The following DACT2 variants were observed in gnomAD, a reference collection of about 807,000 sequenced individuals.
DACT2 encodes dishevelled binding antagonist of beta catenin 2, also known as dapper homolog 2.
A neutral mutation model predicts 22.2 loss-of-function variants in DACT2; 20 were observed. The ratio of observed to expected loss-of-function variants is 0.90; its 90% CI spans 0.63 to 1.31. The LOEUF is 1.31. DACT2 is among the 50% of genes most tolerant of loss of function. DACT2 has a pLI of 0.00. For synonymous variants in DACT2, 463 were observed against 479.8 expected (o/e 0.96, Z 0.46); for missense variants, 1,048 against 1,061.4 (o/e 0.99, Z 0.18).
intron 1 of DACT2, 79 bp from the exon 2 acceptor site, chr6:168,311,363 C>T (rs1779393465): frequency 6.3e-6 from 9 of 1,426,796 alleles, no homozygotes; most frequent in Non-Finnish European, 7.4e-6. Context: ...TGAAAACATG[C>T]ATTGTGAATG....
At chr6:168,292,995 A>AG (rs1778940065) in exon 6 of DACT2, 2 of 152,160 alleles carry the variant, frequency 1.3e-5, no homozygotes, top group Admixed American at 6.5e-5. Context: ...CTAAAAAAAA[A>AG]TTTACAACCT....
At chr6:168,309,407 A>AGGGTCGTTTGCGTGTAGACACAGGGTGCG (rs1779331685) in intron 3 of DACT2, among the ~76,000 whole-genome samples, 1 of 66,702 alleles carries the variant, frequency 1.5e-5, no homozygotes, top group African/African-American at 6.0e-5. Context: ...GACACCGCAC[A>AGGGTCGTTTGCGTGTAGACACAGGGTGCG]GGGCCGTTTG....
In DACT2 at chr6:168,309,201, C is replaced by T. The variant is rs960818828; in HGVS notation, c.659-103G>A. On this transcript the variant is annotated intron_variant, in intron 3 of 3. Coordinates refer to ENST00000366795, the MANE Select transcript of DACT2 (RefSeq NM_214462.5). ...AGCTGGGATGGAAACGCTGCTCATT[C>T]ACTGCTTCGAGGAACTCCTGGGTCC... is the stretch of plus-strand genomic sequence containing the variant. The T allele has an allele frequency of 8.9e-5, 127 of 1,431,672 alleles. 1 individual carries two copies. The highest frequency in any genetic ancestry group is 1.1e-4 in the Non-Finnish European group (124 of 1,093,178). The allele number at this position is 1,431,672 out of a possible 1,614,324, so 88.7% of individuals were successfully genotyped here.
rs1366424397 is a variant in DACT2, at chr6:168,319,423, G to C, written c.211C>G (p.Leu71Val). 2 of 1,204,746 alleles carry C rather than the reference G, an allele frequency of 1.7e-6. No homozygotes were observed. The allele number at this position is 1,204,746 out of a possible 1,614,324, so 74.6% of individuals were successfully genotyped here. ...PHGLHGPEQQ[L>V]EAALAALQEQ... ...TGCAGCGCGGCCAGCGCCGCCTCCA[G>C]CTGCTGCTCGGGGCCGTGGAGGCCG... The change falls in exon 1 of 4, where the codon CTG becomes GTG. Residue 71 changes from leucine to valine, a missense_variant. Physicochemically the swap from Leu to Val is conservative, Grantham distance 32. Coordinates refer to ENST00000366795, the MANE Select transcript of DACT2 (RefSeq NM_214462.5).
chr6:168,304,340 G>A (rs931756128), downstream of DACT2, among the ~76,000 whole-genome samples: 79 of 152,342 alleles, frequency 5.2e-4, 1 homozygote, highest in African/African-American at 1.7e-3. Flanking sequence ...CTTTCTGCGC[G>A]CCTGCCTGGG....
intron 3 of DACT2, among the ~76,000 whole-genome samples, chr6:168,295,882 T>C (rs368058431): frequency 1.3e-5 from 2 of 152,174 alleles, no homozygotes; most frequent in South Asian, 4.1e-4. Flanking sequence ...AAATAAACTG[T>C]GAAAGAGAAT....
At chr6:168,305,063 GGA>G (rs760308613), downstream of DACT2, among the ~76,000 whole-genome samples, 9 of 152,058 alleles carry the variant, frequency 5.9e-5, no homozygotes, top group African/African-American at 2.2e-4. Flanking sequence ...CATGAGAGAG[GGA>G]GAGAGAGAGA....
chr6:168,314,547 TA>T (rs1165952348), intron 1 of DACT2, among the ~76,000 whole-genome samples: 3 of 151,922 alleles, frequency 2.0e-5, no homozygotes, highest in Admixed American at 1.3e-4. Flanking sequence ...GGGGTACCGT[TA>T]AAAAAAATAA....
At position 168,308,932 on chromosome 6, in the gene DACT2, G is replaced by A; in HGVS notation, c.825C>T (p.Tyr275=). 6.5e-7 allele frequency: 1 copy of A among 1,550,314 alleles called. No homozygotes were observed. Among genetic ancestry groups the A allele is most frequent in the Non-Finnish European group, 8.7e-7 (1 of 1,146,956 alleles). ...VSQGGREVYP[Y]PSPLHAVALQ... is the part of the protein sequence containing the mutation. ...GAGCCACGGCGTGCAGGGGGCTGGG[G>A]TACGGGTACACCTCCCTGCCGCCCT... The change falls in exon 4 of 4, where the codon TAC becomes TAT. Residue 275 remains tyrosine, a synonymous_variant. Coordinates refer to ENST00000366795, the MANE Select transcript of DACT2 (RefSeq NM_214462.5).
At chr6:168,301,398 C>T (rs966622210) in intron 3 of DACT2, among the ~76,000 whole-genome samples, 7 of 152,256 alleles carry the variant, frequency 4.6e-5, no homozygotes, top group Non-Finnish European at 8.8e-5. Flanking sequence ...AACTCTGACC[C>T]ACACCTGCCC....
chr6:168,294,215 C>T (rs1778960156), intron 4 of DACT2: 1 of 702,890 alleles, frequency 1.4e-6, no homozygotes, highest in Non-Finnish European at 2.6e-6. Context: ...AGAGAGAAGG[C>T]AATGCCATCC....
chr6:168,311,551 TACACACACTCACACACAA>T (rs1583300470), intron 1 of DACT2, among the ~76,000 whole-genome samples: 114 of 97,784 alleles, frequency 1.2e-3, no homozygotes, highest in East Asian at 2.1e-3. Context: ...CACACACACA[TACACACACTCACACACAA>T]ACACACACAC....
intron 4 of DACT2, chr6:168,294,322 G>A (rs1031589490): frequency 4.4e-6 from 3 of 685,776 alleles, no homozygotes; most frequent in African/African-American, 3.5e-5. Flanking sequence ...AGGGGAAGAG[G>A]ACGGCCACGC....
At chr6:168,300,398 C>T (rs1484636184) in intron 3 of DACT2, 1 of 152,222 alleles carries the variant, frequency 6.6e-6, no homozygotes, top group Admixed American at 6.5e-5. Context: ...TGGAACCAGA[C>T]ACTTCCTGTC....
At chr6:168,305,276 T>A (rs1279605593), downstream of DACT2, among the ~76,000 whole-genome samples, 4 of 152,172 alleles carry the variant, frequency 2.6e-5, no homozygotes, top group African/African-American at 9.7e-5. Flanking sequence ...CAGGAAGGAA[T>A]TCGCTTGGCT....
Position 168,308,220 on chromosome 6 carries a change from GCCTTGCAAACCTCAGCA to G in DACT2, c.1520_1536del (p.Val507AlafsTer10). On this transcript the variant is annotated frameshift_variant, in exon 4 of 4. Coordinates refer to ENST00000366795, the MANE Select transcript of DACT2 (RefSeq NM_214462.5). LOFTEE classifies it low-confidence loss of function (END_TRUNC). ...GGCCTGTCCAGTAGAAGCAGCGGCT[GCCTTGCAAACCTCAGCA>G]CCTTGTCCATGGGACTTCTCTTGAT... 6.4e-7 allele frequency: 1 copy of G among 1,551,926 alleles called. No individual in the cohort carries two copies. Among genetic ancestry groups the G allele is most frequent in the Non-Finnish European group, 8.7e-7 (1 of 1,147,060 alleles).
Position 168,319,622 on chromosome 6 carries a change from C to G in DACT2, c.12G>C (p.Pro4=). The change falls in exon 1 of 4, where the codon CCG becomes CCC. Residue 4 remains proline (P), a synonymous_variant. Coordinates refer to ENST00000366795, the MANE Select transcript of DACT2 (RefSeq NM_214462.5). ...AGCCCGCGGACCCCGGGGGTCCGCCCGGCGTCCACATCTCCCGGGCAGGGT... is the reference window on the plus strand; with the variant it reads ...AGCCCGCGGACCCCGGGGGTCCGCCGGGCGTCCACATCTCCCGGGCAGGGT... MWT[P]GGPPGSAGWD... 2 of 1,299,678 alleles carry G rather than the reference C, an allele frequency of 1.5e-6. No homozygotes were observed. Among genetic ancestry groups the G allele is most frequent in the Non-Finnish European group, 2.0e-6 (2 of 1,022,618 alleles). The allele number at this position is 1,299,678 out of a possible 1,614,324, so 80.5% of individuals were successfully genotyped here.
In DACT2 at chr6:168,319,584, CT is replaced by C; in HGVS notation, c.49del (p.Arg17GlyfsTer69). On this transcript the variant is annotated frameshift_variant, in exon 1 of 4. Transcript: ENST00000366795. LOFTEE classifies it high-confidence loss of function. ...PPGSAGWDRR[R>X]LGARLRAAFA... Reference sequence around the variant, plus strand: ...CGCCGCGCGCAACCTCGCGCCCAACCTACGGCGGTCCCAGCCCGCGGACCCC... The same window carrying C: ...CGCCGCGCGCAACCTCGCGCCCAACCACGGCGGTCCCAGCCCGCGGACCCC... The C allele has an allele frequency of 7.3e-7, 1 of 1,366,924 alleles. No homozygotes were observed. Among genetic ancestry groups the C allele is most frequent in the Non-Finnish European group, 9.5e-7 (1 of 1,052,982 alleles). The allele number at this position is 1,366,924 out of a possible 1,614,324, so 84.7% of individuals were successfully genotyped here.
In DACT2 at chr6:168,313,993, C is replaced by A. The variant is rs998862221; in HGVS notation, c.247-2709G>T. Reference sequence around the variant, plus strand: ...GGACTCCACCACTCAGGATTCACGCCGCGCTTGTAACCCCGACCGCGCTTG... The same window carrying A: ...GGACTCCACCACTCAGGATTCACGCAGCGCTTGTAACCCCGACCGCGCTTG... On this transcript the variant is annotated intron_variant, in intron 1 of 3. Transcript: ENST00000366795. Among the ~76,000 whole-genome samples, 3 of 93,380 alleles carry A rather than the reference C, an allele frequency of 3.2e-5. No individual in the cohort carries two copies. In the South Asian group the frequency reaches 1.1e-3, roughly 36 times the overall value. The allele number at this position is 93,380 out of a possible 152,430, so 61.3% of individuals were successfully genotyped here. A position where few individuals can be genotyped will look rare whatever the true frequency, so the allele number is the denominator to read the frequency against.
Sources: allele counts gnomAD v4.1 joint callset (sites outside exome capture counted in the v4.1 genomes callset), GRCh38; gene constraint gnomAD v4.1.1; transcripts MANE v1.5; gene names NCBI Gene and HGNC (gene_info 2026-07-23, HGNC 2026-07-21).